The following ZNF512 variants were observed in gnomAD, a reference collection of about 807,000 sequenced individuals.
The protein encoded by ZNF512 is zinc finger protein 512.
ZNF512 carries 25 observed loss-of-function variants against 77.5 expected under a neutral mutation model. The observed-to-expected ratio is 0.32, with a 90% CI of 0.23 to 0.45. The LOEUF is 0.45. ZNF512 is among the 20% of genes least tolerant of loss of function. The pLI is 1.00. For missense variants in ZNF512, 483 were observed against 692.6 expected, an observed-to-expected ratio of 0.70 and a Z score of 3.40; for synonymous variants, 246 against 239.9, an observed-to-expected ratio of 1.03 and a Z score of -0.24.
At chr2:27,591,744 T>G (rs1671594173) in intron 2 of ZNF512, among the ~76,000 whole-genome samples, 1 of 152,244 alleles carries the variant, frequency 6.6e-6, no homozygotes, top group Non-Finnish European at 1.5e-5. Flanking sequence ...GGTCTTGCTA[T>G]GTTGCCCAGG....
intron 10 of ZNF512, among the ~76,000 whole-genome samples, chr2:27,611,413 A>G (rs887922249): frequency 7.2e-5 from 11 of 152,148 alleles, no homozygotes; most frequent in African/African-American, 2.7e-4. Flanking sequence ...TGAGAGTATC[A>G]TGACTCTCAG....
At chr2:27,616,195 A>G in intron 11 of ZNF512, 67 bp from the exon 12 acceptor site, 1 of 1,241,754 alleles carries the variant, frequency 8.1e-7, no homozygotes, top group Non-Finnish European at 1.2e-6. Flanking sequence ...GTCAGTGTAA[A>G]TGGCCAGATT....
rs1408707431 is a variant in ZNF512 at position 27,597,950 on chromosome 2, T to C, written c.90-117T>C. 6 of 687,184 alleles carry C rather than the reference T, an allele frequency of 8.7e-6. No homozygotes were observed. In the East Asian group the frequency reaches 1.5e-4, roughly 18 times the overall value. The allele number at this position is 687,184 out of a possible 1,614,324, so 42.6% of individuals were successfully genotyped here. A position where few individuals can be genotyped will look rare whatever the true frequency, so the allele number is the denominator to read the frequency against. Reference sequence around the variant, plus strand: ...GGTGATTACAACTTACATTCTGTTTTTATAGCAGGCTTCTTAGTTTTCTGC... The same window carrying C: ...GGTGATTACAACTTACATTCTGTTTCTATAGCAGGCTTCTTAGTTTTCTGC... On this transcript the variant is annotated intron_variant, in intron 2 of 13. Coordinates refer to ENST00000355467, the MANE Select transcript of ZNF512 (RefSeq NM_032434.4).
chr2:27,599,266 C>T (rs1672011321), intron 3 of ZNF512, among the ~76,000 whole-genome samples: 1 of 152,190 alleles, frequency 6.6e-6, no homozygotes, highest in Non-Finnish European at 1.5e-5. Flanking sequence ...GGCTAGCCCT[C>T]TATCTTGAGC....
intron 10 of ZNF512, among the ~76,000 whole-genome samples, chr2:27,614,609 C>T (rs530237956): frequency 2.7e-5 from 4 of 150,356 alleles, no homozygotes; most frequent in African/African-American, 7.3e-5. Context: ...ACCCAGGAGG[C>T]GGAGCTTGCA....
intron 2 of ZNF512, among the ~76,000 whole-genome samples, chr2:27,590,804 A>G (rs761890551): frequency 1.3e-5 from 2 of 151,900 alleles, no homozygotes; most frequent in Non-Finnish European, 2.9e-5. Context: ...GGTGTGAGCC[A>G]TCTACCCCGG....
chr2:27,618,850 A>G (rs192938167), intron 13 of ZNF512, among the ~76,000 whole-genome samples: 2 of 152,290 alleles, frequency 1.3e-5, no homozygotes, highest in African/African-American at 4.8e-5. Flanking sequence ...TAGGAATACA[A>G]TTTGCATTCT....
At chr2:27,616,643 C>T (rs1391022790) in intron 12 of ZNF512, among the ~76,000 whole-genome samples, 1 of 152,220 alleles carries the variant, frequency 6.6e-6, no homozygotes, top group Non-Finnish European at 1.5e-5. Context: ...CTACACTGGG[C>T]CTGCCCTGTT....
chr2:27,593,782 CTTT>C (rs768572545), intron 2 of ZNF512, among the ~76,000 whole-genome samples: 1 of 134,514 alleles, frequency 7.4e-6, no homozygotes, highest in Non-Finnish European at 1.6e-5. Context: ...TTCTTTCTTT[CTTT>C]TTTTTTTTTT....
chr2:27,601,631 G>A (rs548935806), intron 7 of ZNF512, among the ~76,000 whole-genome samples, 189 bp downstream of exon 7: 1 of 147,544 alleles, frequency 6.8e-6, no homozygotes, highest in African/African-American at 2.6e-5. Flanking sequence ...GCGCCACCAC[G>A]CCTGGCTAAT....
chr2:27,603,111 T>A, intron 8 of ZNF512, 29 bp from the exon 9 acceptor site: 1 of 1,610,338 alleles, frequency 6.2e-7, no homozygotes, highest in Non-Finnish European at 8.5e-7. Context: ...GATGTAAGAT[T>A]ATAGTTTAGG....
Position 27,607,875 on chromosome 2 carries a change from G to C in ZNF512, c.967G>C (p.Glu323Gln). 6.2e-7 allele frequency: 1 copy of C among 1,614,144 alleles called. No individual in the cohort carries two copies. Among genetic ancestry groups the C allele is most frequent in the South Asian group, 1.1e-5 (1 of 91,084 alleles). Residue 323 changes from glutamate to glutamine, a missense_variant, in exon 10 of 14, where the codon GAG becomes CAG. Glu to Gln is a conservative substitution (Grantham distance 29, BLOSUM62 2). Around this residue, in one of 2 missense-constraint regions of ZNF512, gnomAD observed 324 missense variants for 525.0 expected, o/e 0.62. Coordinates refer to ENST00000355467, the MANE Select transcript of ZNF512 (RefSeq NM_032434.4). ...CTTCTTTCCAGAGTCAGGACAGCCA[G>C]AGTGCTTAAAGGAGATGAACCTAGA... ...ISFFPESGQPECLKEMNLESK... is the reference protein window; with the variant it reads ...ISFFPESGQPQCLKEMNLESK...
chr2:27,596,104 G>C (rs1426850174), intron 2 of ZNF512, among the ~76,000 whole-genome samples: 1 of 152,110 alleles, frequency 6.6e-6, no homozygotes, highest in Non-Finnish European at 1.5e-5. Context: ...CTTGCTTTTG[G>C]AGGCATTTGT....
At chr2:27,618,546 G>A (rs1672992350) in intron 13 of ZNF512, among the ~76,000 whole-genome samples, 3 of 152,178 alleles carry the variant, frequency 2.0e-5, no homozygotes, top group Admixed American at 1.3e-4. Flanking sequence ...AGTGTTTAGG[G>A]ATGAAGTATT....
chr2:27,620,546 G>C (rs1673071223), intron 13 of ZNF512, among the ~76,000 whole-genome samples: 1 of 152,092 alleles, frequency 6.6e-6, no homozygotes, highest in South Asian at 2.1e-4. Flanking sequence ...CTTGCAGTGG[G>C]GCAGAGAGAT....
At chr2:27,594,842 T>C (rs1056783704) in intron 2 of ZNF512, among the ~76,000 whole-genome samples, 2 of 151,970 alleles carry the variant, frequency 1.3e-5, no homozygotes, top group African/African-American at 4.8e-5. Flanking sequence ...CTGGGCAACA[T>C]TGAGCATTGA....
intron 13 of ZNF512, among the ~76,000 whole-genome samples, chr2:27,619,289 G>A (rs1673023683): frequency 6.6e-6 from 1 of 152,098 alleles, no homozygotes; most frequent in Non-Finnish European, 1.5e-5. Flanking sequence ...TGTAATCCCA[G>A]CTACTTGGGA....
At chr2:27,615,318 C>G (rs770547710) in intron 11 of ZNF512, 49 bp downstream of exon 11, 30 of 1,223,312 alleles carry the variant, frequency 2.5e-5, no homozygotes, top group Non-Finnish European at 3.2e-5. Context: ...CAAGCATCTG[C>G]TCTTGCTTCT....
chr2:27,590,375 C>G (rs1020608933), intron 2 of ZNF512, among the ~76,000 whole-genome samples: 1 of 152,042 alleles, frequency 6.6e-6, no homozygotes, highest in Non-Finnish European at 1.5e-5. Flanking sequence ...GTCATTCCAG[C>G]CTTATGTTTG....
Sources: gnomAD v4.1 joint callset for allele counts (sites outside exome capture counted in the v4.1 genomes callset) on GRCh38, gnomAD v4.1.1 for gene constraint, gnomAD v4.1.1 regional missense constraint, MANE v1.5 for transcripts, NCBI Gene and HGNC (gene_info 2026-07-23, HGNC 2026-07-21) for gene names.